Variants in CFAP54 observed in about 807,000 individuals in gnomAD.
CFAP54 encodes cilia- and flagella-associated protein 54.
In CFAP54, 290 loss-of-function variants were observed where a neutral mutation model predicts 370.4. The observed-to-expected ratio is 0.78, with a 90% CI of 0.71 to 0.86. CFAP54 has a LOEUF of 0.86. Ranked by LOEUF, CFAP54 falls within the 40% of genes least tolerant of loss-of-function variation. The pLI, the probability that CFAP54 is intolerant of heterozygous loss-of-function variation, is 0.00. For synonymous variants in CFAP54, 1,206 were observed against 1,236.5 expected (o/e 0.98, Z 0.52); for missense variants, 3,399 against 3,528.7 (o/e 0.96, Z 0.93).
At chr12:96,568,906 CTTTT>C (rs35705881) in intron 19 of CFAP54, among the ~76,000 whole-genome samples, 19 of 142,092 alleles carry the variant, frequency 1.3e-4, no homozygotes, top group African/African-American at 4.6e-4. Context: ...AGATGACTGG[CTTTT>C]TTTTTTTTAA....
chr12:96,540,855 C>T lies in CFAP54; in HGVS notation c.1945C>T (p.Gln649Ter), dbSNP rs1955561760. ...TTTTTAGTGGATTTATCTTCTGTGG[C>T]AGATAAATGAAGTAATTCACTGCTA... ...STNKWIYLLW[Q>*]INEVIHCYKM... Residue 649 changes from glutamine (Q) to a stop codon, truncating the protein, a stop_gained, in exon 14 of 68, where the codon CAG becomes TAG. Transcript: ENST00000524981. LOFTEE classifies it high-confidence loss of function. The T allele has an allele frequency of 4.8e-6, 7 of 1,452,184 alleles. No individual in the cohort carries two copies. Among genetic ancestry groups the T allele is most frequent in the Non-Finnish European group, 6.3e-6 (7 of 1,108,166 alleles). The allele number at this position is 1,452,184 out of a possible 1,614,324, so 90.0% of individuals were successfully genotyped here.
chr12:96,664,745 A>ATC (rs1957051856), intron 39 of CFAP54, among the ~76,000 whole-genome samples: 2 of 20,998 alleles, frequency 9.5e-5, no homozygotes, highest in Admixed American at 5.8e-4. Context: ...ATATCTATAT[A>ATC]TATATATATC....
At chr12:96,562,140 C>T (rs998653828) in intron 17 of CFAP54, among the ~76,000 whole-genome samples, 1 of 152,014 alleles carries the variant, frequency 6.6e-6, no homozygotes, top group Non-Finnish European at 1.5e-5. Flanking sequence ...TCCTCACCTT[C>T]TCCATTTTTG....
In CFAP54 at chr12:96,658,240, T is replaced by C; in HGVS notation, c.5354T>C (p.Leu1785Pro). Residue 1785 changes from leucine (L) to proline (P), a missense_variant, in exon 38 of 68, where the codon CTT becomes CCT. Transcript: ENST00000524981. ...AGGTATACAGAACAAGTGACACCAC[T>C]TCTGGTGTATGCACAGCGCCAGCTT... Reference protein sequence around the residue: ...HERYTEQVTPLLVYAQRQLLL... With the variant: ...HERYTEQVTPPLVYAQRQLLL... 6.2e-7 allele frequency: 1 copy of C among 1,613,966 alleles called. No individual in the cohort carries two copies. Among genetic ancestry groups the C allele is most frequent in the Middle Eastern group, 1.6e-4 (1 of 6,062 alleles).
chr12:96,594,528 A>G (rs1956157239), intron 25 of CFAP54, 82 bp downstream of exon 25: 1 of 1,145,606 alleles, frequency 8.7e-7, no homozygotes, highest in South Asian at 2.1e-5. Flanking sequence ...AAAGCCATGT[A>G]TCTCTTATAA....
chr12:96,817,973 C>A lies in CFAP54; in HGVS notation c.9096+60C>A, dbSNP rs185106304. On this transcript the variant is annotated intron_variant, in intron 65 of 67. Transcript: ENST00000524981. Reference sequence around the variant, plus strand: ...TAGATTATCTTTTATATCCTCAAAGCAGAACTATGTAACTGGACTTAAACT... The same window carrying A: ...TAGATTATCTTTTATATCCTCAAAGAAGAACTATGTAACTGGACTTAAACT... 72 of 1,197,100 alleles carry A rather than the reference C, an allele frequency of 6.0e-5. No homozygotes were observed. In the East Asian group the frequency reaches 6.7e-4, roughly 11 times the overall value. The allele number at this position is 1,197,100 out of a possible 1,614,324, so 74.2% of individuals were successfully genotyped here. A position where few individuals can be genotyped will look rare whatever the true frequency, so the allele number is the denominator to read the frequency against.
At chr12:96,548,394 A>AC (rs1243382830) in intron 15 of CFAP54, among the ~76,000 whole-genome samples, 2 of 151,864 alleles carry the variant, frequency 1.3e-5, no homozygotes, top group South Asian at 2.1e-4. Flanking sequence ...ATAACATGCC[A>AC]CCCCCCCTCA....
chr12:96,784,668 G>A lies in CFAP54; in HGVS notation c.8282-49G>A, dbSNP rs1046208900. 10 of 1,269,290 alleles carry A rather than the reference G, an allele frequency of 7.9e-6. No individual in the cohort carries two copies. In the African/African-American group the frequency reaches 1.5e-4, roughly 19 times the overall value. The allele number at this position is 1,269,290 out of a possible 1,614,324, so 78.6% of individuals were successfully genotyped here. On this transcript the variant is annotated intron_variant, in intron 60 of 67. Coordinates refer to ENST00000524981, the MANE Select transcript of CFAP54 (RefSeq NM_001306084.2). ...TTTCTGTTCATGATTGTTTTTCAAGGAAAGCATAATATAATATTGTATTAC... is the reference window on the plus strand; with the variant it reads ...TTTCTGTTCATGATTGTTTTTCAAGAAAAGCATAATATAATATTGTATTAC...
At chr12:96,803,367 G>T (rs1958843054) in intron 63 of CFAP54, among the ~76,000 whole-genome samples, 1 of 151,980 alleles carries the variant, frequency 6.6e-6, no homozygotes, top group East Asian at 1.9e-4. Flanking sequence ...ATTCTAGCTG[G>T]AATGGGATGG....
Position 96,541,834 on chromosome 12 carries a change from C to G in CFAP54, c.2077+847C>G, listed in dbSNP as rs184815224. The stretch of plus-strand genomic sequence containing the variant: ...CTTTCTTCATTTATTGTTTCTCCTC[C>G]CCTTTCTCTTTTTCTTCTTATCCTT... On this transcript the variant is annotated intron_variant, in intron 14 of 67. Coordinates refer to ENST00000524981, the MANE Select transcript of CFAP54 (RefSeq NM_001306084.2). 3.1e-3 allele frequency among the ~76,000 whole-genome samples: 465 copies of G among 151,902 alleles called. 5 individuals are homozygous for G. Among genetic ancestry groups the G allele is most frequent in the South Asian group, 6.5e-3 (31 of 4,798 alleles).
chr12:96,683,896 A>C (rs1043289214), intron 40 of CFAP54, among the ~76,000 whole-genome samples: 3 of 152,078 alleles, frequency 2.0e-5, no homozygotes, highest in Non-Finnish European at 4.4e-5. Context: ...GGTTCAAGCA[A>C]TTCTTTTGCC....
chr12:96,771,814 G>A (rs1459201460), intron 60 of CFAP54, among the ~76,000 whole-genome samples: 1 of 152,186 alleles, frequency 6.6e-6, no homozygotes, highest in East Asian at 1.9e-4. Flanking sequence ...GATGGGAAGC[G>A]ATTGCAAAGG....
At chr12:96,826,485 A>G (rs1379093957) in intron 65 of CFAP54, among the ~76,000 whole-genome samples, 1 of 115,150 alleles carries the variant, frequency 8.7e-6, no homozygotes, top group Non-Finnish European at 1.6e-5. Flanking sequence ...ATATATGTAA[A>G]TAATATATAA....
chr12:96,627,565 C>G (rs1956561006), intron 30 of CFAP54, among the ~76,000 whole-genome samples: 1 of 152,154 alleles, frequency 6.6e-6, no homozygotes, highest in Admixed American at 6.5e-5. Context: ...AACATGAAAC[C>G]TGTTTTTGAA....
intron 63 of CFAP54, among the ~76,000 whole-genome samples, chr12:96,806,009 C>T (rs968569153): frequency 6.7e-6 from 1 of 150,172 alleles, no homozygotes; most frequent in African/African-American, 2.4e-5. Flanking sequence ...AATGAATAAA[C>T]ATGGACATGC....
chr12:96,496,398 T>C (rs1954955410), intron 1 of CFAP54, among the ~76,000 whole-genome samples: 1 of 152,194 alleles, frequency 6.6e-6, no homozygotes, highest in Non-Finnish European at 1.5e-5. Flanking sequence ...GAAATTTATT[T>C]ATTTTTCACA....
chr12:96,640,097 G>A (rs1184106249), intron 32 of CFAP54, among the ~76,000 whole-genome samples: 1 of 151,938 alleles, frequency 6.6e-6, no homozygotes, highest in Non-Finnish European at 1.5e-5. Flanking sequence ...GGCAAGAGAA[G>A]GAAATAAAGG....
intron 26 of CFAP54, among the ~76,000 whole-genome samples, chr12:96,618,434 G>T (rs959646139): frequency 1.3e-5 from 2 of 152,184 alleles, no homozygotes; most frequent in Admixed American, 6.5e-5. Flanking sequence ...CTGGACAGGA[G>T]ATTCGCTTCT....
rs1334100330 is a variant in CFAP54, at chr12:96,742,452, A to G, written c.7085A>G (p.Lys2362Arg). 6.3e-7 allele frequency: 1 copy of G among 1,578,034 alleles called. No individual in the cohort carries two copies. Among genetic ancestry groups the G allele is most frequent in the South Asian group, 1.1e-5 (1 of 89,928 alleles). The stretch of plus-strand genomic sequence containing the variant: ...AATATTGTTTAGGTCACTGAAAATA[A>G]AGATGACAGTGAGTTTTTAGATCCT... ...VSPGTSVTEN[K>R]DDSEFLDPIS... Residue 2362 changes from lysine (K) to arginine (R), a missense_variant, in exon 52 of 68, where the codon AAA (lysine) becomes AGA (arginine). Physicochemically the swap from Lys to Arg is conservative, Grantham distance 26. Transcript: ENST00000524981.
Sources: gnomAD v4.1 joint callset for allele counts (sites outside exome capture counted in the v4.1 genomes callset) on GRCh38, gnomAD v4.1.1 for gene constraint, MANE v1.5 for transcripts, NCBI Gene and HGNC (gene_info 2026-07-23, HGNC 2026-07-21) for gene names.